Variants in TNPO2 observed in about 807,000 individuals in gnomAD.
TNPO2 encodes transportin 2.
TNPO2 carries 16 observed loss-of-function variants against 111.1 expected under a neutral mutation model. The ratio of observed to expected loss-of-function variants is 0.14; its 90% CI spans 0.10 to 0.22. The LOEUF (loss-of-function observed/expected upper bound fraction) is 0.22. TNPO2 is among the 10% of genes least tolerant of loss of function. The pLI, the probability that TNPO2 is intolerant of heterozygous loss-of-function variation, is 1.00. For missense variants in TNPO2, 530 were observed against 1,173.7 expected (o/e 0.45, Z 8.01); for synonymous variants, 481 against 475.8 (o/e 1.01, Z -0.14).
rs1027480278 is a variant in TNPO2, at chr19:12,719,229, C to A, written c.175+32G>T. On this transcript the variant is annotated intron_variant, in intron 4 of 25. Coordinates refer to ENST00000425528, the MANE Select transcript of TNPO2 (RefSeq NM_001382241.1). The surrounding 1 kb of genome is among the most constrained non-coding windows in gnomAD (Gnocchi z 5.0). ...GGGGCCCAGGGGGAGAAAGCAGGGT[C>A]CCGATCGCATGGAAGGGAGCAGAGG... The A allele has an allele frequency of 6.2e-7, 1 of 1,613,828 alleles. No individual in the cohort carries two copies. The highest frequency in any genetic ancestry group is 8.5e-7 in the Non-Finnish European group (1 of 1,179,808).
Position 12,702,393 on chromosome 19 carries a change from TTTTG to T in TNPO2, c.2306-220_2306-217del. ...TCCTTTCCCTTTCCTTTTTGTTTTTTTTTGTTTTGTTTTGTTTTTGAGATGGAGT... is the reference window on the plus strand; with the variant it reads ...TCCTTTCCCTTTCCTTTTTGTTTTTTTTTTGTTTTGTTTTTGAGATGGAGT... On this transcript the variant is annotated intron_variant, in intron 21 of 25. Coordinates refer to ENST00000425528, the MANE Select transcript of TNPO2 (RefSeq NM_001382241.1). This position sits in a 1 kb window ranked among gnomAD's most constrained non-coding sequence, Gnocchi z 5.5. 12 of 672,720 alleles carry T rather than the reference TTTTG, an allele frequency of 1.8e-5. No individual in the cohort carries two copies. The highest frequency in any genetic ancestry group is 5.7e-5 in the East Asian group (2 of 35,052). The allele number at this position is 672,720 out of a possible 1,614,324, so 41.7% of individuals were successfully genotyped here. A position where few individuals can be genotyped will look rare whatever the true frequency, so the allele number is the denominator to read the frequency against.
chr19:12,701,876 G>A lies in TNPO2; in HGVS notation c.2412-25C>T. The A allele has an allele frequency of 6.3e-7, 1 of 1,593,690 alleles. No homozygotes were observed. Among genetic ancestry groups the A allele is most frequent in the Non-Finnish European group, 8.6e-7 (1 of 1,163,696 alleles). ...CCTGTGGGAAGGTGAGCAGCTGGAG[G>A]TCAGAGGGCAGGCTGGGCATGCATC... On this transcript the variant is annotated intron_variant, in intron 22 of 25. Transcript: ENST00000425528. The surrounding 1 kb of genome is among the most constrained non-coding windows in gnomAD (Gnocchi z 5.0).
intron 5 of TNPO2, among the ~76,000 whole-genome samples, chr19:12,716,583 G>A (rs994089149): frequency 7.9e-5 from 12 of 151,860 alleles, no homozygotes; most frequent in Admixed American, 5.9e-4. Flanking sequence ...CAGAGATCGC[G>A]CCACAGCACT....
At position 12,703,395 on chromosome 19, in the gene TNPO2, G is replaced by C. The variant is rs556792211; in HGVS notation, c.2209+33C>G. ...CCCCCAGGTTGAGAACAGGCTAATG[G>C]GGGGCGCGTGTTGCCACTTGCAGGG... On this transcript the variant is annotated intron_variant, in intron 20 of 25. Coordinates refer to ENST00000425528, the MANE Select transcript of TNPO2 (RefSeq NM_001382241.1). 1.1e-5 allele frequency: 17 copies of C among 1,591,534 alleles called. No homozygotes were observed. The Middle Eastern group carries it at 7.4e-4, about 69-fold the overall frequency.
Position 12,715,252 on chromosome 19 carries a change from G to A in TNPO2, c.639C>T (p.Thr213=), listed in dbSNP as rs1320409358. ...RAQALMDNID[T]FIEHLFALAV... is the part of the protein sequence containing the mutation. ...CAGCCCAGCGGCCCACCTCGATGAA[G>A]GTGTCAATATTGTCCATCAGCGCCT... Residue 213 remains threonine, a synonymous_variant, in exon 8 of 26, where the codon ACC becomes ACT. Transcript: ENST00000425528. This position sits in a 1 kb window ranked among gnomAD's most constrained non-coding sequence, Gnocchi z 7.1. The A allele has an allele frequency of 6.2e-7, 1 of 1,613,700 alleles. No homozygotes were observed. Among genetic ancestry groups the A allele is most frequent in the East Asian group, 2.2e-5 (1 of 44,880 alleles).
intron 3 of TNPO2, 145 bp downstream of exon 3, chr19:12,720,733 TA>T: frequency 2.0e-6 from 2 of 1,004,670 alleles, no homozygotes; most frequent in Non-Finnish European, 2.8e-6. Context: ...CCAGGAATTG[TA>T]ATCCTTCTCT....
chr19:12,712,245 A>C (rs916062575), intron 10 of TNPO2, among the ~76,000 whole-genome samples: 9 of 152,202 alleles, frequency 5.9e-5, no homozygotes, highest in Non-Finnish European at 1.3e-4. Flanking sequence ...AGCATCTGGG[A>C]AGACGCCCGT....
chr19:12,710,816 A>G, intron 12 of TNPO2, 43 bp from the exon 13 acceptor site: 10 of 1,562,434 alleles, frequency 6.4e-6, no homozygotes, highest in Non-Finnish European at 8.7e-6. Flanking sequence ...GCGGCCCCTC[A>G]GGCAGGTGGC....
intron 18 of TNPO2, 107 bp from the exon 19 acceptor site, chr19:12,703,908 T>C: frequency 1.0e-6 from 1 of 992,422 alleles, no homozygotes; most frequent in South Asian, 1.7e-5. Context: ...ACTTTCCAGT[T>C]CTAGAGCTCC....
chr19:12,722,270 C>G (rs1568341012), intron 2 of TNPO2: 2 of 151,686 alleles, frequency 1.3e-5, no homozygotes, highest in South Asian at 2.1e-4. Context: ...GGCTCCGAGG[C>G]CCCACCCCCT....
At chr19:12,722,144 C>G (rs1348663968) in intron 2 of TNPO2, 3 of 148,414 alleles carry the variant, frequency 2.0e-5, no homozygotes, top group East Asian at 4.1e-4. Context: ...CCGATCCTCG[C>G]GACGTCCCCC....
intron 5 of TNPO2, among the ~76,000 whole-genome samples, chr19:12,716,214 G>A (rs970795832): frequency 4.6e-5 from 7 of 152,304 alleles, no homozygotes; most frequent in African/African-American, 1.7e-4. Flanking sequence ...TAGGCACCCT[G>A]AGCCTTACTG....
At chr19:12,707,935 C>T (rs1419588409) in intron 13 of TNPO2, among the ~76,000 whole-genome samples, 2 of 152,146 alleles carry the variant, frequency 1.3e-5, no homozygotes, top group Non-Finnish European at 2.9e-5. Context: ...ATTTTCCTGC[C>T]TCAACCTCCC....
Position 12,701,458 on chromosome 19 carries a change from G to C in TNPO2, c.2587-5C>G, listed in dbSNP as rs774744950. On this transcript the variant is annotated splice_polypyrimidine_tract_variant and splice_region_variant and intron_variant, in intron 24 of 25. Coordinates refer to ENST00000425528, the MANE Select transcript of TNPO2 (RefSeq NM_001382241.1). The surrounding 1 kb of genome is among the most constrained non-coding windows in gnomAD (Gnocchi z 5.0). The stretch of plus-strand genomic sequence containing the variant: ...GTCTTTGAAGCCGTGGAGAATCTGT[G>C]GGGAGGGTGGTGGTGAGGGGTAGGC... The C allele has an allele frequency of 6.2e-7, 1 of 1,613,454 alleles. No individual in the cohort carries two copies. Among genetic ancestry groups the C allele is most frequent in the East Asian group, 2.2e-5 (1 of 44,860 alleles).
intron 1 of TNPO2, 160 bp downstream of exon 1, chr19:12,723,609 T>C (rs1026387290): frequency 6.6e-6 from 1 of 152,198 alleles, no homozygotes. Context: ...GCTGTTCTTT[T>C]ACTGTATTCA....
In TNPO2 at chr19:12,719,212, G is replaced by C. The variant is rs372413201; in HGVS notation, c.176-34C>G. ...AGGAAGGCTGAGGTTCAGGGGCCCAGGGGGAGAAAGCAGGGTCCCGATCGC... is the reference window on the plus strand; with the variant it reads ...AGGAAGGCTGAGGTTCAGGGGCCCACGGGGAGAAAGCAGGGTCCCGATCGC... On this transcript the variant is annotated intron_variant, in intron 4 of 25. Coordinates refer to ENST00000425528, the MANE Select transcript of TNPO2 (RefSeq NM_001382241.1). The surrounding 1 kb of genome is among the most constrained non-coding windows in gnomAD (Gnocchi z 5.0). The C allele has an allele frequency of 1.2e-5, 20 of 1,613,754 alleles. No individual in the cohort carries two copies. The African/African-American group carries it at 2.4e-4, about 19-fold the overall frequency.
Position 12,715,853 on chromosome 19 carries a change from C to T in TNPO2, c.326-114G>A. ...TTCTGTTCCCTAGCCCATGTACGCC[C>T]TCTACATCCCCCCTCCTTTTTTTTT... On this transcript the variant is annotated intron_variant, in intron 5 of 25. Transcript: ENST00000425528. This position sits in a 1 kb window ranked among gnomAD's most constrained non-coding sequence, Gnocchi z 7.1. The T allele has an allele frequency of 1.3e-6, 1 of 752,788 alleles. No homozygotes were observed. Among genetic ancestry groups the T allele is most frequent in the Non-Finnish European group, 2.1e-6 (1 of 466,148 alleles). 46.6% of individuals were successfully genotyped at this position (752,788 alleles called of 1,614,324 possible).
In TNPO2 at chr19:12,702,034, C is replaced by A. The variant is rs202152350; in HGVS notation, c.2411+38G>T. 6.9e-6 allele frequency: 11 copies of A among 1,591,132 alleles called. No homozygotes were observed. Among genetic ancestry groups the A allele is most frequent in the Non-Finnish European group, 9.5e-6 (11 of 1,159,712 alleles). ...GCGAGGGAGGGGGTTGGGCCAGTCC[C>A]GCCCACCACACAGCAGGCTTGACAC... On this transcript the variant is annotated intron_variant, in intron 22 of 25. Coordinates refer to ENST00000425528, the MANE Select transcript of TNPO2 (RefSeq NM_001382241.1). This position sits in a 1 kb window ranked among gnomAD's most constrained non-coding sequence, Gnocchi z 5.5.
intron 10 of TNPO2, among the ~76,000 whole-genome samples, chr19:12,713,147 C>T (rs993317599): frequency 3.3e-5 from 5 of 152,192 alleles, no homozygotes; most frequent in Non-Finnish European, 5.9e-5. Context: ...CCTAGCACAA[C>T]ATTAAGGCAG....
Sources: gnomAD v4.1 joint callset for allele counts (sites outside exome capture counted in the v4.1 genomes callset) on GRCh38, gnomAD v4.1.1 for gene constraint, Gnocchi (gnomAD v3.1) non-coding constraint, MANE v1.5 for transcripts, NCBI Gene and HGNC (gene_info 2026-07-23, HGNC 2026-07-21) for gene names.